Variants in MEGF8 observed in about 807,000 individuals in gnomAD.
MEGF8 encodes multiple epidermal growth factor-like domains protein 8.
Under a neutral mutation model 302.9 loss-of-function variants are expected in MEGF8, and 156 were observed. The ratio of observed to expected loss-of-function variants is 0.52; its 90% CI spans 0.45 to 0.59. The LOEUF is 0.59. Ranked by LOEUF, MEGF8 falls within the 20% of genes least tolerant of loss-of-function variation. The pLI is 0.00. For synonymous variants in MEGF8, 1,621 were observed against 1,660.5 expected (o/e 0.98, Z 0.58); for missense variants, 3,345 against 3,964.5 (o/e 0.84, Z 4.20).
chr19:42,370,176 C>T lies in MEGF8; in HGVS notation c.6835-13C>T, dbSNP rs781487009. 3 of 1,607,498 alleles carry T rather than the reference C, an allele frequency of 1.9e-6. No individual in the cohort carries two copies. Among genetic ancestry groups the T allele is most frequent in the Admixed American group, 1.7e-5 (1 of 59,700 alleles). ...TCTCCAGCCTCTCTAACTACCCTGT[C>T]CTGGGTTCTCAGGGCAGCCACTGTG... On this transcript the variant is annotated splice_polypyrimidine_tract_variant and intron_variant, in intron 38 of 41. Transcript: ENST00000251268.
rs757631754 is a variant in MEGF8 at position 42,351,430 on chromosome 19, C to T, written c.2857C>T (p.Arg953Ter). The T allele has an allele frequency of 5.7e-6, 9 of 1,592,590 alleles. No homozygotes were observed. Among genetic ancestry groups the T allele is most frequent in the African/African-American group, 1.3e-5 (1 of 74,510 alleles). The change falls in exon 17 of 42, where the codon CGA (arginine) becomes TGA (stop). Residue 953 changes from arginine (R) to a stop codon, truncating the protein, a stop_gained and splice_region_variant. Coordinates refer to ENST00000251268, the MANE Select transcript of MEGF8 (RefSeq NM_001271938.2). LOFTEE classifies it high-confidence loss of function. The surrounding 1 kb of genome is among the most constrained non-coding windows in gnomAD (Gnocchi z 5.6). ...PEECPPLCSQ[R>*]LTCEDCLANS... ...CTGGCCCCCTGCTCCCCACCCCAGG[C>T]GACTGACCTGTGAGGACTGCCTGGC... is the stretch of plus-strand genomic sequence containing the variant.
rs904857928 is a variant in MEGF8 at position 42,351,916 on chromosome 19, C to T, written c.3101+155C>T. On this transcript the variant is annotated intron_variant, in intron 18 of 41. Coordinates refer to ENST00000251268, the MANE Select transcript of MEGF8 (RefSeq NM_001271938.2). The surrounding 1 kb of genome is among the most constrained non-coding windows in gnomAD (Gnocchi z 5.6). The stretch of plus-strand genomic sequence containing the variant: ...TTTTCTGTTGTTTATTTTACCCTCC[C>T]GCTCTTTTTTCTCCATTTTTCCTCC... Among the ~76,000 whole-genome samples, 6 of 152,166 alleles carry T rather than the reference C, an allele frequency of 3.9e-5. No homozygotes were observed. Among genetic ancestry groups the T allele is most frequent in the Non-Finnish European group, 5.9e-5 (4 of 68,038 alleles).
Position 42,344,521 on chromosome 19 carries a change from C to G in MEGF8, c.1869C>G (p.Ala623=). The G allele has an allele frequency of 6.3e-7, 1 of 1,599,890 alleles. No individual in the cohort carries two copies. Among genetic ancestry groups the G allele is most frequent in the Non-Finnish European group, 8.5e-7 (1 of 1,179,318 alleles). Residue 623 remains alanine, a synonymous_variant, in exon 11 of 42, where the codon GCC becomes GCG. Coordinates refer to ENST00000251268, the MANE Select transcript of MEGF8 (RefSeq NM_001271938.2). The surrounding 1 kb of genome is among the most constrained non-coding windows in gnomAD (Gnocchi z 4.5). ...GCCTGGCCTTCAGCAGCCCCACAGC[C>G]CCTCCACGGGGACCTGGCACCCTGG... The part of the protein sequence containing the change: ...QACLAFSSPT[A]PPRGPGTLGW...
Position 42,356,104 on chromosome 19 carries a change from G to C in MEGF8, c.4414G>C (p.Ala1472Pro). The C allele has an allele frequency of 6.3e-7, 1 of 1,588,874 alleles. No homozygotes were observed. Among genetic ancestry groups the C allele is most frequent in the Non-Finnish European group, 8.6e-7 (1 of 1,165,772 alleles). The part of the protein sequence containing the change: ...CNQSLGVCIC[A>P]EGFGGPDCAT... ...CCAGAGCCTGGGTGTGTGCATCTGT[G>C]CCGAGGGCTTCGGGGGCCCCGACTG... is the stretch of plus-strand genomic sequence containing the variant. The change falls in exon 25 of 42, where the codon GCC (alanine) becomes CCC (proline). Residue 1472 changes from alanine to proline, a missense_variant. By Grantham distance (27) the Ala-to-Pro change is conservative. Coordinates refer to ENST00000251268, the MANE Select transcript of MEGF8 (RefSeq NM_001271938.2). This position sits in a 1 kb window ranked among gnomAD's most constrained non-coding sequence, Gnocchi z 5.2.
rs372009208 is a variant in MEGF8 at position 42,329,015 on chromosome 19, G to C, written c.187+2585G>C. Among the ~76,000 whole-genome samples, 36 of 152,288 alleles carry C rather than the reference G, an allele frequency of 2.4e-4. No individual in the cohort carries two copies. The South Asian group carries it at 7.5e-3, about 32-fold the overall frequency. On this transcript the variant is annotated intron_variant, in intron 1 of 41. Coordinates refer to ENST00000251268, the MANE Select transcript of MEGF8 (RefSeq NM_001271938.2). Reference sequence around the variant, plus strand: ...AAAGAGGACTGTGCTGCAGATAACAGAGCAGGAGCCACTAAAATAGGGTTC... The same window carrying C: ...AAAGAGGACTGTGCTGCAGATAACACAGCAGGAGCCACTAAAATAGGGTTC...
chr19:42,340,225 T>A (rs188977236), intron 8 of MEGF8, among the ~76,000 whole-genome samples: 2 of 152,334 alleles, frequency 1.3e-5, no homozygotes, highest in South Asian at 2.1e-4. Flanking sequence ...CTTTCTTTTT[T>A]AAAATTTTTA....
chr19:42,362,451 C>T lies in MEGF8; in HGVS notation c.5912C>T (p.Ser1971Phe). ...GGTGCTTGCATTGGACGCAATGGGTCCTGCACCTCTGAGAATGACTGTCGG... is the reference window on the plus strand; with the variant it reads ...GGTGCTTGCATTGGACGCAATGGGTTCTGCACCTCTGAGAATGACTGTCGG... ...PEGACIGRNGSCTSENDCRIN... is the reference protein window; with the variant it reads ...PEGACIGRNGFCTSENDCRIN... The change falls in exon 34 of 42, where the codon TCC becomes TTC. Residue 1971 changes from serine to phenylalanine, a missense_variant. Ser to Phe is a radical substitution (Grantham distance 155). Transcript: ENST00000251268. 6.2e-7 allele frequency: 1 copy of T among 1,614,008 alleles called. No individual in the cohort carries two copies. Among genetic ancestry groups the T allele is most frequent in the Non-Finnish European group, 8.5e-7 (1 of 1,179,886 alleles).
At chr19:42,333,868 G>A in intron 2 of MEGF8, 100 bp downstream of exon 2, 1 of 1,545,418 alleles carries the variant, frequency 6.5e-7, no homozygotes, top group Non-Finnish European at 8.8e-7. Context: ...AGAGCACAGG[G>A]ACAAGGGAAG....
At chr19:42,328,567 A>AGTGTGTGTGTGTGTGTGTGTGTGT (rs113567438) in intron 1 of MEGF8, among the ~76,000 whole-genome samples, 1,716 of 146,648 alleles carry the variant, frequency 0.012, 14 homozygotes, top group South Asian at 0.023. Flanking sequence ...CAGAATAGGA[A>AGTGTGTGTGTGTGTGTGTGTGTGT]GTGTGTGTGT....
chr19:42,333,787 G>A lies in MEGF8; in HGVS notation c.351+19G>A, dbSNP rs749703304. The A allele has an allele frequency of 3.4e-5, 54 of 1,611,190 alleles. No homozygotes were observed. Among genetic ancestry groups the A allele is most frequent in the Middle Eastern group, 1.6e-4 (1 of 6,074 alleles). On this transcript the variant is annotated intron_variant, in intron 2 of 41. Coordinates refer to ENST00000251268, the MANE Select transcript of MEGF8 (RefSeq NM_001271938.2). ...AGGCAAGGTTAGTGGGGATGGGGCC[G>A]TGGCAGATACACCGAGGGAAATGGA...
chr19:42,348,467 A>G lies in MEGF8; in HGVS notation c.2293A>G (p.Asn765Asp). The change falls in exon 13 of 42, where the codon AAC (asparagine) becomes GAC (aspartate). Residue 765 changes from asparagine (N) to aspartate (D), a missense_variant. Transcript: ENST00000251268. ...GATGGCCCGTGGCCCTGACACGGAG[A>G]ACATGGTGAGGCCGCCTGGGACATT... Reference protein sequence around the residue: ...ARMARGPDTENMEEVGRWVAH... With the variant: ...ARMARGPDTEDMEEVGRWVAH... The G allele has an allele frequency of 6.6e-7, 1 of 1,517,840 alleles. No individual in the cohort carries two copies. Among genetic ancestry groups the G allele is most frequent in the Non-Finnish European group, 8.8e-7 (1 of 1,132,918 alleles). The allele number at this position is 1,517,840 out of a possible 1,614,324, so 94.0% of individuals were successfully genotyped here.
chr19:42,368,856 G>A lies in MEGF8; in HGVS notation c.6495G>A (p.Gly2165=). The A allele has an allele frequency of 6.2e-7, 1 of 1,613,656 alleles. No individual in the cohort carries two copies. ...CCCCGGTGCTAGGGCTGACATGTGG[G>A]CGTCCGGGGGCCTCCTGGGCCTTCC... ...LSGPRDGLTC[G]RPGASWAFLS... is the part of the protein sequence containing the mutation. The change falls in exon 37 of 42, where the codon GGG becomes GGA. Residue 2165 remains glycine (G), a synonymous_variant. Coordinates refer to ENST00000251268, the MANE Select transcript of MEGF8 (RefSeq NM_001271938.2). The surrounding 1 kb of genome is among the most constrained non-coding windows in gnomAD (Gnocchi z 4.9).
In MEGF8 at chr19:42,336,962, C is replaced by T. The variant is rs1398763249; in HGVS notation, c.1390+10C>T. ...TACATGGTGGTCTATGGTGAGGAGG[C>T]TCCCCAATCCTGCCTGCCTGCCTGC... On this transcript the variant is annotated intron_variant, in intron 7 of 41. Coordinates refer to ENST00000251268, the MANE Select transcript of MEGF8 (RefSeq NM_001271938.2). This position sits in a 1 kb window ranked among gnomAD's most constrained non-coding sequence, Gnocchi z 4.8. 3 of 1,613,790 alleles carry T rather than the reference C, an allele frequency of 1.9e-6. No homozygotes were observed. The highest frequency in any genetic ancestry group is 1.3e-5 in the African/African-American group (1 of 75,060).
At chr19:42,339,594 T>C (rs1015296319) in intron 8 of MEGF8, among the ~76,000 whole-genome samples, 1 of 152,252 alleles carries the variant, frequency 6.6e-6, no homozygotes, top group Non-Finnish European at 1.5e-5. Flanking sequence ...TTTAAGTTCC[T>C]TATAGGTTCT....
In MEGF8 at chr19:42,336,524, A is replaced by G. The variant is rs775054972; in HGVS notation, c.1244+178A>G. On this transcript the variant is annotated intron_variant, in intron 6 of 41. Coordinates refer to ENST00000251268, the MANE Select transcript of MEGF8 (RefSeq NM_001271938.2). This position sits in a 1 kb window ranked among gnomAD's most constrained non-coding sequence, Gnocchi z 4.8. ...CATTCATTCATTCACCCACTCACAC[A>G]TTCTCTGATGTTTTATTCAATCTCT... Among the ~76,000 whole-genome samples the G allele has an allele frequency of 1.3e-5, 2 of 152,032 alleles. No homozygotes were observed. Among genetic ancestry groups the G allele is most frequent in the Non-Finnish European group, 2.9e-5 (2 of 67,996 alleles).
At position 42,351,264 on chromosome 19, in the gene MEGF8, G is replaced by T. The variant is rs1437426754; in HGVS notation, c.2785G>T (p.Ala929Ser). ...GAGCACCAGCCGCAAAGGGGACGCG[G>T]CATGCAGCCGGCGGGGCCGGGGTCG... ...HQSTSRKGDA[A>S]CSRRGRGRGA... Residue 929 changes from alanine to serine, a missense_variant, in exon 16 of 42, where the codon GCA becomes TCA. Coordinates refer to ENST00000251268, the MANE Select transcript of MEGF8 (RefSeq NM_001271938.2). The surrounding 1 kb of genome is among the most constrained non-coding windows in gnomAD (Gnocchi z 5.6). 1 of 1,572,870 alleles carries T rather than the reference G, an allele frequency of 6.4e-7. No homozygotes were observed. Among genetic ancestry groups the T allele is most frequent in the East Asian group, 2.3e-5 (1 of 42,982 alleles).
chr19:42,342,862 G>C (rs1043649153), intron 8 of MEGF8, among the ~76,000 whole-genome samples: 10 of 152,154 alleles, frequency 6.6e-5, no homozygotes, highest in African/African-American at 2.4e-4. Flanking sequence ...TTTGCCCCAA[G>C]AATTGAGAAT....
chr19:42,376,116 G>A lies in MEGF8; in HGVS notation c.7879G>A (p.Ala2627Thr), dbSNP rs779762562. The change falls in exon 42 of 42, where the codon GCC becomes ACC. Residue 2627 changes from alanine to threonine, a missense_variant. Physicochemically the swap from Ala to Thr is moderately conservative, Grantham distance 58 (BLOSUM62 0). Coordinates refer to ENST00000251268, the MANE Select transcript of MEGF8 (RefSeq NM_001271938.2). This position sits in a 1 kb window ranked among gnomAD's most constrained non-coding sequence, Gnocchi z 8.2. The part of the protein sequence containing the change: ...LGVGDPSGPG[A>T]NGSADSQGLL... Reference sequence around the variant, plus strand: ...CGTGGGAGACCCAAGTGGGCCCGGCGCCAACGGCTCAGCCGACTCGCAGGG... The same window carrying A: ...CGTGGGAGACCCAAGTGGGCCCGGCACCAACGGCTCAGCCGACTCGCAGGG... 3 of 1,607,332 alleles carry A rather than the reference G, an allele frequency of 1.9e-6. No individual in the cohort carries two copies. The highest frequency in any genetic ancestry group is 2.5e-6 in the Non-Finnish European group (3 of 1,179,804).
chr19:42,327,651 G>A (rs967068576), intron 1 of MEGF8, among the ~76,000 whole-genome samples: 1 of 152,238 alleles, frequency 6.6e-6, no homozygotes. Context: ...CTCTTTCTCT[G>A]TGAAGACATG....
Sources: gnomAD v4.1 joint callset for allele counts (sites outside exome capture counted in the v4.1 genomes callset) on GRCh38, gnomAD v4.1.1 for gene constraint, Gnocchi (gnomAD v3.1) non-coding constraint, MANE v1.5 for transcripts, NCBI Gene and HGNC (gene_info 2026-07-23, HGNC 2026-07-21) for gene names.